ERO1A: variants seen among roughly 807,000 people sequenced by gnomAD.
ERO1A encodes ERO1-like protein alpha.
A neutral mutation model predicts 76.9 loss-of-function variants in ERO1A; 49 were observed. The ratio of observed to expected loss-of-function variants is 0.64; its 90% CI spans 0.51 to 0.81. The LOEUF (loss-of-function observed/expected upper bound fraction) is 0.81. ERO1A is among the 30% of genes least tolerant of loss of function. The pLI is 0.00. For missense variants in ERO1A, 448 were observed against 542.1 expected (o/e 0.83, Z 1.72); for synonymous variants, 174 against 181.2 (o/e 0.96, Z 0.32).
At chr14:52,652,384 G>A in intron 12 of ERO1A, 76 bp from the exon 13 acceptor site, 1 of 946,562 alleles carries the variant, frequency 1.1e-6, no homozygotes, top group Non-Finnish European at 1.7e-6. Flanking sequence ...ACATTTTACT[G>A]GTCATGATAA....
At chr14:52,677,326 T>C (rs529924048) in intron 4 of ERO1A, among the ~76,000 whole-genome samples, 2 of 152,176 alleles carry the variant, frequency 1.3e-5, no homozygotes, top group African/African-American at 4.8e-5. Context: ...AACACAATAG[T>C]AAGTACACAG....
chr14:52,691,878 T>C (rs1030003614), intron 1 of ERO1A, among the ~76,000 whole-genome samples: 1 of 152,196 alleles, frequency 6.6e-6, no homozygotes, highest in African/African-American at 2.4e-5. Context: ...AGGTTACATA[T>C]ACAGATTTAC....
chr14:52,655,139 G>A (rs1237476212), intron 11 of ERO1A, among the ~76,000 whole-genome samples: 2 of 152,170 alleles, frequency 1.3e-5, no homozygotes, highest in Non-Finnish European at 2.9e-5. Flanking sequence ...GGCCGAGGCA[G>A]GTGGATCACG....
intron 3 of ERO1A, among the ~76,000 whole-genome samples, chr14:52,679,092 T>C (rs2040899697): frequency 1.3e-5 from 2 of 152,194 alleles, no homozygotes; most frequent in South Asian, 2.1e-4. Flanking sequence ...CCTTCTGCCA[T>C]GATTGTAAGC....
intron 1 of ERO1A, among the ~76,000 whole-genome samples, chr14:52,691,480 G>T (rs538662905): frequency 1.5e-4 from 23 of 152,320 alleles, no homozygotes; most frequent in African/African-American, 5.5e-4. Flanking sequence ...AGTGTAACCT[G>T]TTTCAAAGAT....
intron 2 of ERO1A, among the ~76,000 whole-genome samples, chr14:52,682,748 A>C (rs1207639026): frequency 6.6e-6 from 1 of 151,828 alleles, no homozygotes; most frequent in East Asian, 1.9e-4. Flanking sequence ...AAAATACAAA[A>C]ATTAGCGAGG....
intron 1 of ERO1A, among the ~76,000 whole-genome samples, chr14:52,684,174 C>G (rs2041101236): frequency 6.8e-6 from 1 of 148,110 alleles, no homozygotes; most frequent in African/African-American, 2.5e-5. Flanking sequence ...CCCCTGGCAA[C>G]CTTTATTTTG....
At chr14:52,694,730 G>A (rs2041488497) in intron 1 of ERO1A, among the ~76,000 whole-genome samples, 1 of 152,108 alleles carries the variant, frequency 6.6e-6, no homozygotes, top group Non-Finnish European at 1.5e-5. Context: ...GTGCACTGAA[G>A]AATAAGGACC....
At chr14:52,665,613 T>TCTTAGA (rs1445682815) in intron 7 of ERO1A, among the ~76,000 whole-genome samples, 15 of 151,234 alleles carry the variant, frequency 9.9e-5, no homozygotes, top group African/African-American at 3.4e-4. Flanking sequence ...CAGCATAATG[T>TCTTAGA]GCTCGCACAT....
chr14:52,695,347 A>T, intron 1 of ERO1A, 21 bp downstream of exon 1: 3 of 1,406,494 alleles, frequency 2.1e-6, no homozygotes, highest in Non-Finnish European at 2.8e-6. Context: ...GACCCTCAGC[A>T]CCAACGCGCA....
rs1464731081 is a variant in ERO1A at position 52,642,795 on chromosome 14, TAGTG to T, written c.*771_*774del. 1.3e-5 allele frequency: 2 copies of T among 152,628 alleles called. No individual in the cohort carries two copies. Among genetic ancestry groups the T allele is most frequent in the African/African-American group, 4.8e-5 (2 of 41,452 alleles). The allele number at this position is 152,628 out of a possible 1,614,324, so 9.5% of individuals were successfully genotyped here. On this transcript the variant is annotated 3_prime_UTR_variant, in exon 16 of 16. Transcript: ENST00000395686. The stretch of plus-strand genomic sequence containing the variant: ...GTGTTCCCCAAATTTTATTTAGTAT[TAGTG>T]AAAGTATTATGAGAATAAATATATA...
chr14:52,646,674 T>C (rs561475418), intron 13 of ERO1A: 6 of 432,086 alleles, frequency 1.4e-5, no homozygotes, highest in Non-Finnish European at 2.4e-5. Context: ...GTTATTATTA[T>C]AATCTACACC....
chr14:52,672,669 T>G (rs146548360), intron 4 of ERO1A, among the ~76,000 whole-genome samples: 1 of 150,706 alleles, frequency 6.6e-6, no homozygotes, highest in Non-Finnish European at 1.5e-5. Flanking sequence ...ACTCAGGAAG[T>G]TGAGGTGGCA....
chr14:52,662,829 T>C (rs1036207309), intron 8 of ERO1A, among the ~76,000 whole-genome samples: 1 of 152,222 alleles, frequency 6.6e-6, no homozygotes, highest in Non-Finnish European at 1.5e-5. Flanking sequence ...ATCTATTATG[T>C]GTCAGGCTCT....
chr14:52,693,120 A>G (rs1398601911), intron 1 of ERO1A, among the ~76,000 whole-genome samples: 1 of 142,264 alleles, frequency 7.0e-6, no homozygotes, highest in East Asian at 2.1e-4. Flanking sequence ...TCCTCAATTT[A>G]CTTTTTTATT....
At chr14:52,680,707 A>G (rs1238185683) in intron 3 of ERO1A, among the ~76,000 whole-genome samples, 1 of 152,232 alleles carries the variant, frequency 6.6e-6, no homozygotes, top group Non-Finnish European at 1.5e-5. Flanking sequence ...CACTGTTAAT[A>G]TCACTTTAAT....
chr14:52,677,288 GAGAA>G (rs1368730979), intron 4 of ERO1A, among the ~76,000 whole-genome samples: 1 of 152,102 alleles, frequency 6.6e-6, no homozygotes, highest in Non-Finnish European at 1.5e-5. Flanking sequence ...CAAGAAAAAA[GAGAA>G]AGGCAGAGAT....
At chr14:52,670,937 C>T (rs62005405) in intron 6 of ERO1A, among the ~76,000 whole-genome samples, 1 of 152,136 alleles carries the variant, frequency 6.6e-6, no homozygotes, top group Non-Finnish European at 1.5e-5. Flanking sequence ...AAACCATCAC[C>T]ACTATCTGTT....
At chr14:52,646,602 T>C (rs2039665900) in intron 13 of ERO1A, 141 bp from the exon 14 acceptor site, 9 of 608,752 alleles carry the variant, frequency 1.5e-5, no homozygotes, top group South Asian at 2.2e-5. Flanking sequence ...TATTCATTGA[T>C]TCTACATACC....
Sources: allele counts gnomAD v4.1 joint callset (sites outside exome capture counted in the v4.1 genomes callset), GRCh38; gene constraint gnomAD v4.1.1; transcripts MANE v1.5; gene names NCBI Gene and HGNC (gene_info 2026-07-23, HGNC 2026-07-21).